The following DOCK2 variants were observed in gnomAD, a reference collection of about 807,000 sequenced individuals.
DOCK2 encodes dedicator of cytokinesis protein 2.
DOCK2 carries 87 observed loss-of-function variants against 248.9 expected under a neutral mutation model. That is an observed-to-expected ratio of 0.35 (90% CI 0.29 to 0.42). DOCK2 has a LOEUF of 0.42. DOCK2 is among the 10% of genes least tolerant of loss of function. The pLI is 1.00. For missense variants in DOCK2, 1,747 were observed against 2,300.2 expected, an observed-to-expected ratio of 0.76 and a Z score of 4.92; for synonymous variants, 805 against 821.6, an observed-to-expected ratio of 0.98 and a Z score of 0.35.
chr5:169,901,241 A>ACCTTT (rs1773906054), intron 27 of DOCK2, among the ~76,000 whole-genome samples: 1 of 152,198 alleles, frequency 6.6e-6, no homozygotes, highest in Admixed American at 6.5e-5. Flanking sequence ...CTCTGATGCA[A>ACCTTT]GAAAGGTATT....
chr5:169,697,228 C>T (rs539321039), intron 10 of DOCK2, among the ~76,000 whole-genome samples: 1 of 152,312 alleles, frequency 6.6e-6, no homozygotes, highest in South Asian at 2.1e-4. Flanking sequence ...CAGTTTGTCT[C>T]TTTCTTGCTC....
intron 22 of DOCK2, among the ~76,000 whole-genome samples, chr5:169,745,716 G>A (rs1763574519): frequency 6.6e-6 from 1 of 152,200 alleles, no homozygotes; most frequent in Admixed American, 6.5e-5. Context: ...GATTTCACAG[G>A]CATCCAGGAA....
chr5:169,847,497 A>C (rs1770384547), intron 27 of DOCK2, among the ~76,000 whole-genome samples: 1 of 152,200 alleles, frequency 6.6e-6, no homozygotes, highest in Non-Finnish European at 1.5e-5. Context: ...GAGAACAGGA[A>C]AAAAATTCTA....
intron 22 of DOCK2, among the ~76,000 whole-genome samples, chr5:169,727,067 CAA>C (rs796894886): frequency 3.1e-4 from 28 of 89,206 alleles, no homozygotes; most frequent in Middle Eastern, 8.1e-3. Context: ...GACCCTGTCT[CAA>C]AAAAAAAAAA....
intron 26 of DOCK2, among the ~76,000 whole-genome samples, chr5:169,835,259 G>GTT (rs763950012): frequency 0.026 from 3,635 of 138,570 alleles, 164 homozygotes; most frequent in Admixed American, 0.11. Flanking sequence ...TGAAATGCCT[G>GTT]GTTTTTTTTT....
chr5:169,742,875 G>A (rs1763395746), intron 22 of DOCK2, among the ~76,000 whole-genome samples: 1 of 152,206 alleles, frequency 6.6e-6, no homozygotes, highest in Non-Finnish European at 1.5e-5. Context: ...TGCTGGCTGT[G>A]GTCGACTTGC....
chr5:169,860,268 C>T (rs1771120963), intron 27 of DOCK2, among the ~76,000 whole-genome samples: 2 of 152,192 alleles, frequency 1.3e-5, no homozygotes, highest in South Asian at 4.2e-4. Context: ...AGAAAGTGTT[C>T]TTCCCTTGCC....
At chr5:169,748,168 C>CTT (rs10688965) in intron 23 of DOCK2, among the ~76,000 whole-genome samples, 8,148 of 148,192 alleles carry the variant, frequency 0.055, 363 homozygotes, top group African/African-American at 0.13. Flanking sequence ...ATTGCTGCTG[C>CTT]TTTTTTTTTT....
At chr5:169,829,787 C>A (rs1235198931) in intron 26 of DOCK2, among the ~76,000 whole-genome samples, 1 of 152,036 alleles carries the variant, frequency 6.6e-6, no homozygotes, top group African/African-American at 2.4e-5. Flanking sequence ...TTTTTAATAT[C>A]TTTGACACAT....
chr5:169,760,893 A>G (rs1297680247), intron 24 of DOCK2, among the ~76,000 whole-genome samples: 1 of 152,228 alleles, frequency 6.6e-6, no homozygotes, highest in Non-Finnish European at 1.5e-5. Flanking sequence ...TTTATTTTGG[A>G]AAGCCGACAA....
chr5:169,719,920 T>TA (rs879318664), intron 22 of DOCK2, among the ~76,000 whole-genome samples: 3,065 of 141,076 alleles, frequency 0.022, 91 homozygotes, highest in African/African-American at 0.07. Flanking sequence ...CTCTGACTCT[T>TA]AAAAAAAAAA....
chr5:170,058,968 A>T (rs1757231826), intron 44 of DOCK2, among the ~76,000 whole-genome samples: 1 of 152,156 alleles, frequency 6.6e-6, no homozygotes, highest in South Asian at 2.1e-4. Flanking sequence ...TCAACTGTTC[A>T]TATGCATGAT....
intron 22 of DOCK2, among the ~76,000 whole-genome samples, chr5:169,731,587 A>G (rs1034942387): frequency 2.6e-5 from 4 of 152,176 alleles, no homozygotes; most frequent in Non-Finnish European, 4.4e-5. Flanking sequence ...ACAGACCCTT[A>G]TTCCTCAAAG....
At chr5:169,637,400 G>C (rs1756880724) in intron 1 of DOCK2, 31 bp downstream of exon 1, 2 of 1,356,902 alleles carry the variant, frequency 1.5e-6, no homozygotes, top group Admixed American at 3.6e-5. Flanking sequence ...GCGGCAGGGA[G>C]CGGGACAGGT....
chr5:170,065,749 C>T (rs562518352), intron 44 of DOCK2, among the ~76,000 whole-genome samples: 3 of 152,112 alleles, frequency 2.0e-5, no homozygotes, highest in Non-Finnish European at 4.4e-5. Flanking sequence ...ATGGGAAAGA[C>T]CTGCCCCCAT....
At chr5:169,940,290 T>C (rs898588950) in intron 27 of DOCK2, among the ~76,000 whole-genome samples, 6 of 152,224 alleles carry the variant, frequency 3.9e-5, no homozygotes, top group Non-Finnish European at 1.5e-5. Context: ...GGGGCAATTT[T>C]GTCTCTCAGC....
At chr5:169,930,746 CG>C (rs1775713327) in intron 27 of DOCK2, among the ~76,000 whole-genome samples, 2 of 152,156 alleles carry the variant, frequency 1.3e-5, no homozygotes, top group African/African-American at 4.8e-5. Flanking sequence ...CTTTGAGAGT[CG>C]GGTGGAAGGC....
intron 9 of DOCK2, among the ~76,000 whole-genome samples, chr5:169,693,086 C>G (rs955834310): frequency 6.6e-6 from 1 of 152,048 alleles, no homozygotes; most frequent in Admixed American, 6.6e-5. Flanking sequence ...CTCTGTCGCT[C>G]TGAAAGGCAC....
At chr5:169,702,270 A>T (rs920781878) in intron 13 of DOCK2, 33 bp from the exon 14 acceptor site, 2 of 1,610,984 alleles carry the variant, frequency 1.2e-6, no homozygotes, top group Non-Finnish European at 1.7e-6. Context: ...TGTAATCCAC[A>T]CTAACTCTTG....
Sources: allele counts gnomAD v4.1 joint callset (sites outside exome capture counted in the v4.1 genomes callset), GRCh38; gene constraint gnomAD v4.1.1; transcripts MANE v1.5; gene names NCBI Gene and HGNC (gene_info 2026-07-23, HGNC 2026-07-21).